The following CTNNA2 variants were observed in gnomAD, a reference collection of about 807,000 sequenced individuals.
CTNNA2 encodes catenin alpha 2, also known as catenin alpha-2.
In CTNNA2, 42 loss-of-function variants were observed where a neutral mutation model predicts 101.0. The observed-to-expected ratio is 0.42, with a 90% CI of 0.32 to 0.54. The LOEUF is 0.54. Ranked by LOEUF, CTNNA2 falls within the 20% of genes least tolerant of loss-of-function variation. The pLI, the probability that CTNNA2 is intolerant of heterozygous loss-of-function variation, is 0.14. For missense variants in CTNNA2, 871 were observed against 1,223.1 expected (o/e 0.71, Z 4.29); for synonymous variants, 450 against 456.4 (o/e 0.99, Z 0.18).
intron 7 of CTNNA2, among the ~76,000 whole-genome samples, chr2:80,183,885 GT>G (rs1368096600): frequency 9.3e-4 from 19 of 20,518 alleles, no homozygotes; most frequent in African/African-American, 3.8e-3. Flanking sequence ...GTGCTCTTGG[GT>G]GTGTGTGTGT....
chr2:80,111,990 T>G (rs959161431), intron 7 of CTNNA2, among the ~76,000 whole-genome samples: 1 of 152,204 alleles, frequency 6.6e-6, no homozygotes, highest in African/African-American at 2.4e-5. Context: ...TGATACCTAG[T>G]TGAAAGAGAT....
At chr2:79,794,278 T>C (rs1675521279) in intron 3 of CTNNA2, among the ~76,000 whole-genome samples, 1 of 152,178 alleles carries the variant, frequency 6.6e-6, no homozygotes, top group African/African-American at 2.4e-5. Flanking sequence ...ATCTGTTAGG[T>C]TGGTGCAAAA....
intron 9 of CTNNA2, among the ~76,000 whole-genome samples, chr2:80,458,179 A>T (rs1684141944): frequency 6.6e-6 from 1 of 152,048 alleles, no homozygotes; most frequent in Admixed American, 6.5e-5. Context: ...ATTTTTTTTT[A>T]GAAATATTTA....
intron 3 of CTNNA2, among the ~76,000 whole-genome samples, chr2:79,328,957 T>G (rs1413783281): frequency 6.6e-6 from 1 of 152,188 alleles, no homozygotes; most frequent in East Asian, 1.9e-4. Context: ...AATCTCTGCC[T>G]CTGTCTTCAC....
At chr2:79,869,480 C>T (rs1682418452) in intron 4 of CTNNA2, among the ~76,000 whole-genome samples, 1 of 152,154 alleles carries the variant, frequency 6.6e-6, no homozygotes. Context: ...TTTTTCTTAA[C>T]TTCAATATTT....
chr2:80,374,674 C>CGTGT (rs1190055398), intron 7 of CTNNA2, among the ~76,000 whole-genome samples: 6 of 117,720 alleles, frequency 5.1e-5, no homozygotes, highest in East Asian at 6.9e-4. Context: ...CCTCTGCGTG[C>CGTGT]GTGCGTGCGT....
At chr2:80,614,979 T>TG (rs1698734756) in intron 17 of CTNNA2, among the ~76,000 whole-genome samples, 1 of 86,410 alleles carries the variant, frequency 1.2e-5, no homozygotes, top group African/African-American at 1.1e-4. Flanking sequence ...TGCATTGTGA[T>TG]TTTTTTTTTC....
At chr2:80,558,149 G>T (rs182712346) in intron 12 of CTNNA2, among the ~76,000 whole-genome samples, 310 of 152,226 alleles carry the variant, frequency 2.0e-3, no homozygotes, top group Non-Finnish European at 3.3e-3. Context: ...GAAAATATAG[G>T]AATAAGTGTC....
chr2:79,516,584 A>G (rs1371497068), intron 1 of CTNNA2, among the ~76,000 whole-genome samples: 1 of 152,218 alleles, frequency 6.6e-6, no homozygotes. Flanking sequence ...CAGAGTAATT[A>G]TACTATCACT....
At chr2:79,738,186 A>G (rs934830860) in intron 2 of CTNNA2, among the ~76,000 whole-genome samples, 5 of 152,134 alleles carry the variant, frequency 3.3e-5, no homozygotes, top group Non-Finnish European at 5.9e-5. Flanking sequence ...AGTGGTGCCT[A>G]TTATCTGGCT....
chr2:80,466,996 A>T (rs1684912890), intron 9 of CTNNA2, among the ~76,000 whole-genome samples: 1 of 152,232 alleles, frequency 6.6e-6, no homozygotes, highest in Non-Finnish European at 1.5e-5. Flanking sequence ...GATAGACTAG[A>T]TATCATGAAG....
chr2:80,416,304 G>T (rs1000675115), intron 8 of CTNNA2, among the ~76,000 whole-genome samples: 2 of 152,102 alleles, frequency 1.3e-5, no homozygotes, highest in African/African-American at 4.8e-5. Flanking sequence ...TATAAAAAAT[G>T]TATGTTTATC....
chr2:79,682,432 A>AAAAG (rs1683640965), intron 2 of CTNNA2, among the ~76,000 whole-genome samples: 1 of 148,448 alleles, frequency 6.7e-6, no homozygotes, highest in Non-Finnish European at 1.5e-5. Context: ...AAAAAAAAAA[A>AAAAG]GAAGAAAGAA....
chr2:79,728,880 A>T (rs1018924489), intron 2 of CTNNA2, among the ~76,000 whole-genome samples: 3 of 152,110 alleles, frequency 2.0e-5, no homozygotes, highest in African/African-American at 7.2e-5. Flanking sequence ...AAGATCAGAT[A>T]GTTGTAGATA....
chr2:80,154,637 G>A (rs147470640), intron 7 of CTNNA2, among the ~76,000 whole-genome samples: 11 of 152,242 alleles, frequency 7.2e-5, no homozygotes, highest in African/African-American at 2.6e-4. Flanking sequence ...ACAAGATTGT[G>A]CTGAGAAACT....
intron 7 of CTNNA2, among the ~76,000 whole-genome samples, chr2:80,171,918 C>A (rs1705085145): frequency 6.6e-6 from 1 of 152,124 alleles, no homozygotes; most frequent in East Asian, 1.9e-4. Context: ...TTGCAGAGGA[C>A]AGATGTGTTC....
At chr2:80,308,337 A>G (rs1677220256) in intron 7 of CTNNA2, among the ~76,000 whole-genome samples, 1 of 152,210 alleles carries the variant, frequency 6.6e-6, no homozygotes, top group Non-Finnish European at 1.5e-5. Context: ...AATTTGAGTG[A>G]TTATTTTAAT....
rs1018761032 is a variant in CTNNA2, at chr2:79,714,321, T to TA, written c.103-30055dup. ...ATTATGTGTTGTTTAACCACAACTT[T>TA]AAAAAAAAAAAGCTGTATAGGGCAA... On this transcript the variant is annotated intron_variant, in intron 2 of 18. Coordinates refer to ENST00000402739, the MANE Select transcript of CTNNA2 (RefSeq NM_001282597.3). Among the ~76,000 whole-genome samples the TA allele has an allele frequency of 4.1e-3, 594 of 146,104 alleles. 6 individuals carry two copies. The highest frequency in any genetic ancestry group is 0.013 in the African/African-American group (511 of 40,050).
intron 7 of CTNNA2, among the ~76,000 whole-genome samples, chr2:80,166,524 T>C (rs531147233): frequency 7.9e-5 from 12 of 152,320 alleles, no homozygotes; most frequent in African/African-American, 2.9e-4. Context: ...CTAACTCCCA[T>C]ACCTTAGCTT....
Sources: allele counts gnomAD v4.1 joint callset (sites outside exome capture counted in the v4.1 genomes callset), GRCh38; gene constraint gnomAD v4.1.1; transcripts MANE v1.5; gene names NCBI Gene and HGNC (gene_info 2026-07-23, HGNC 2026-07-21).